HPSE2: variants seen among roughly 807,000 people sequenced by gnomAD.
The protein encoded by HPSE2 is heparanase 2 (inactive), also known as inactive heparanase-2.
A neutral mutation model predicts 60.5 loss-of-function variants in HPSE2; 38 were observed. That is an observed-to-expected ratio of 0.63 (90% confidence interval 0.48 to 0.82). The LOEUF (loss-of-function observed/expected upper bound fraction) is 0.82. Ranked by LOEUF, HPSE2 falls within the 40% of genes least tolerant of loss-of-function variation. The pLI, the probability that HPSE2 is intolerant of heterozygous loss-of-function variation, is 0.00. For synonymous variants in HPSE2, 295 were observed against 293.2 expected, an observed-to-expected ratio of 1.01 and a Z score of -0.06; for missense variants, 713 against 740.4, an observed-to-expected ratio of 0.96 and a Z score of 0.43.
chr10:98,777,486 C>T (rs1313934559), intron 3 of HPSE2, among the ~76,000 whole-genome samples: 4 of 152,110 alleles, frequency 2.6e-5, no homozygotes, highest in African/African-American at 9.7e-5. Context: ...GAATTCCATA[C>T]TAGAGTTTTT....
At chr10:99,010,856 CTTTTT>C (rs960810113) in intron 3 of HPSE2, among the ~76,000 whole-genome samples, 3 of 151,174 alleles carry the variant, frequency 2.0e-5, no homozygotes, top group Admixed American at 2.0e-4. Context: ...AATCATCAGT[CTTTTT>C]TTTTAACTGT....
chr10:99,122,613 TAGAA>T (rs66953679), intron 3 of HPSE2, among the ~76,000 whole-genome samples: 74,294 of 151,294 alleles, frequency 0.49, 20,666 homozygotes, highest in East Asian at 0.65. Context: ...TTAATAAGAA[TAGAA>T]AGAAAATTCT....
At chr10:99,242,203 T>G in the HPSE2 span, among the ~76,000 whole-genome samples, 9 of 152,322 alleles carry the variant, frequency 5.9e-5, no homozygotes, top group East Asian at 1.5e-3. Flanking sequence ...TATGGAATGC[T>G]GAAGGAGAAA....
intron 2 of HPSE2, among the ~76,000 whole-genome samples, chr10:99,230,611 C>T (rs753413342): frequency 2.8e-4 from 42 of 152,152 alleles, no homozygotes; most frequent in Non-Finnish European, 4.9e-4. Context: ...CCCACTTTCT[C>T]CTTTCACAAA....
intron 3 of HPSE2, among the ~76,000 whole-genome samples, chr10:99,060,137 T>G (rs1053060008): frequency 1.2e-4 from 18 of 151,758 alleles, no homozygotes; most frequent in African/African-American, 4.3e-4. Context: ...TAGTAAAATA[T>G]GGGAAATAAA....
intron 3 of HPSE2, among the ~76,000 whole-genome samples, chr10:98,751,332 T>C (rs1053887448): frequency 6.6e-6 from 1 of 152,182 alleles, no homozygotes; most frequent in African/African-American, 2.4e-5. Flanking sequence ...GGGAATTAAA[T>C]TGGCACAAAT....
intron 6 of HPSE2, among the ~76,000 whole-genome samples, chr10:98,671,444 T>C (rs1947504223): frequency 6.6e-6 from 1 of 152,246 alleles, no homozygotes; most frequent in Admixed American, 6.5e-5. Flanking sequence ...GTAAAAATTA[T>C]AGCTTCCCCA....
chr10:98,557,640 A>G (rs555455760), intron 9 of HPSE2, among the ~76,000 whole-genome samples: 41 of 152,304 alleles, frequency 2.7e-4, no homozygotes, highest in African/African-American at 9.9e-4. Flanking sequence ...TAAAGTTAAG[A>G]ATGTGTGTTT....
At chr10:98,497,862 G>C (rs546060046) in intron 9 of HPSE2, among the ~76,000 whole-genome samples, 114 of 152,238 alleles carry the variant, frequency 7.5e-4, no homozygotes, top group African/African-American at 2.6e-3. Context: ...TTTGTTCTAT[G>C]TATAGGTAGC....
chr10:99,153,066 C>T (rs1377509338), intron 2 of HPSE2, among the ~76,000 whole-genome samples: 4 of 152,196 alleles, frequency 2.6e-5, no homozygotes, highest in East Asian at 1.9e-4. Context: ...CTGCGCACCA[C>T]GAGATTATAT....
the HPSE2 span, among the ~76,000 whole-genome samples, chr10:99,249,056 C>A: frequency 2.6e-5 from 4 of 152,208 alleles, no homozygotes; most frequent in Admixed American, 2.0e-4. Flanking sequence ...TCATGGAGAA[C>A]CTCTACCAGG....
At chr10:99,076,323 T>C (rs866410801) in intron 3 of HPSE2, among the ~76,000 whole-genome samples, 20 of 152,334 alleles carry the variant, frequency 1.3e-4, no homozygotes, top group African/African-American at 3.6e-4. Flanking sequence ...CTGTACACTT[T>C]TACTTCTCCC....
intron 3 of HPSE2, among the ~76,000 whole-genome samples, chr10:98,904,832 C>T (rs189356910): frequency 6.6e-6 from 1 of 152,132 alleles, no homozygotes; most frequent in African/African-American, 2.4e-5. Flanking sequence ...AATCACCCTA[C>T]AATACAAATT....
chr10:98,686,429 T>C (rs72840558), intron 6 of HPSE2, among the ~76,000 whole-genome samples: 4,968 of 152,278 alleles, frequency 0.033, 217 homozygotes, highest in African/African-American at 0.092. Flanking sequence ...AGAGATGGGA[T>C]CTTGCTCTGT....
intron 3 of HPSE2, among the ~76,000 whole-genome samples, chr10:98,779,261 A>G (rs530476864): frequency 6.6e-6 from 1 of 152,250 alleles, no homozygotes; most frequent in East Asian, 1.9e-4. Flanking sequence ...ACCCAATATA[A>G]CTAATAAAAT....
the HPSE2 span, among the ~76,000 whole-genome samples, chr10:99,280,092 T>C: frequency 6.6e-6 from 1 of 152,228 alleles, no homozygotes; most frequent in African/African-American, 2.4e-5. Context: ...TTGTATGACC[T>C]TGGACAAGTC....
chr10:98,539,422 G>A (rs761377888), intron 9 of HPSE2, among the ~76,000 whole-genome samples: 14 of 152,172 alleles, frequency 9.2e-5, no homozygotes, highest in Non-Finnish European at 1.6e-4. Flanking sequence ...TTGAGAGGCT[G>A]AGGCAGGAGA....
chr10:98,616,047 AC>A lies in HPSE2; in HGVS notation c.1206-1030del, dbSNP rs547681813. On this transcript the variant is annotated intron_variant, in intron 8 of 11. Transcript: ENST00000370552. ...TTCTCACACTTACCCAAGTCCTTATACATGTTTTAACTTCTGCTTAGAATTC... is the reference window on the plus strand; with the variant it reads ...TTCTCACACTTACCCAAGTCCTTATAATGTTTTAACTTCTGCTTAGAATTC... Among the ~76,000 whole-genome samples the A allele has an allele frequency of 9.7e-4, 148 of 152,228 alleles. 2 individuals are homozygous for A. Among genetic ancestry groups the A allele is most frequent in the African/African-American group, 3.3e-3 (137 of 41,558 alleles).
In HPSE2 at chr10:98,730,945, CTTATG is replaced by C. The variant is rs751876907; in HGVS notation, c.785-9122_785-9118del. Reference sequence around the variant, plus strand: ...TGGAGGAAGAGGGAACACTTTTCAACTTATGTTATGAGGCCAATATTGCCCTGACA... The same window carrying C: ...TGGAGGAAGAGGGAACACTTTTCAACTTATGAGGCCAATATTGCCCTGACA... On this transcript the variant is annotated intron_variant, in intron 4 of 11. Transcript: ENST00000370552. Among the ~76,000 whole-genome samples, 65 of 152,142 alleles carry C rather than the reference CTTATG, an allele frequency of 4.3e-4. 1 individual carries two copies. The highest frequency in any genetic ancestry group is 1.0e-4 in the Non-Finnish European group (7 of 68,028).
Sources: gnomAD v4.1 joint callset for allele counts (sites outside exome capture counted in the v4.1 genomes callset) on GRCh38, gnomAD v4.1.1 for gene constraint, MANE v1.5 for transcripts, NCBI Gene and HGNC (gene_info 2026-07-23, HGNC 2026-07-21) for gene names.